The following ASAP1 variants were observed in gnomAD, a reference collection of about 807,000 sequenced individuals.
ASAP1 encodes arf-GAP with SH3 domain, ANK repeat and PH domain-containing protein 1.
A neutral mutation model predicts 145.2 loss-of-function variants in ASAP1; 43 were observed. That is an observed-to-expected ratio of 0.30 (90% CI 0.23 to 0.38). The LOEUF (loss-of-function observed/expected upper bound fraction) is 0.38, where lower values mean the gene tolerates loss of function less well. ASAP1 is among the 10% of genes least tolerant of loss of function. The pLI is 1.00. For synonymous variants in ASAP1, 546 were observed against 515.5 expected (o/e 1.06, Z -0.80); for missense variants, 1,018 against 1,355.3 (o/e 0.75, Z 3.91).
intron 3 of ASAP1, among the ~76,000 whole-genome samples, chr8:130,288,367 T>C (rs1250459141): frequency 6.6e-6 from 1 of 151,862 alleles, no homozygotes; most frequent in East Asian, 1.9e-4. Flanking sequence ...AAAAAAAAAA[T>C]TCCTTGTTGA....
At chr8:130,399,814 C>CT (rs66587581) in intron 2 of ASAP1, among the ~76,000 whole-genome samples, 6,962 of 124,524 alleles carry the variant, frequency 0.056, 256 homozygotes, top group Middle Eastern at 0.12. Context: ...AAGTCAGTGT[C>CT]TTTTTTTTTT....
At position 130,079,957 on chromosome 8, in the gene ASAP1, G is replaced by T. The variant is rs760488638; in HGVS notation, c.2587C>A (p.Pro863Thr). 12 of 1,613,942 alleles carry T rather than the reference G, an allele frequency of 7.4e-6. No homozygotes were observed. The Admixed American group carries it at 1.8e-4, about 25-fold the overall frequency. The change falls in exon 26 of 30, where the codon CCA becomes ACA. Residue 863 changes from proline (P) to threonine (T), a missense_variant. By Grantham distance (38) the Pro-to-Thr change is conservative. Coordinates refer to ENST00000518721, the MANE Select transcript of ASAP1 (RefSeq NM_018482.4). ...TTTGTAGTCTTACTTGAAGAGGATG[G>T]ACCCCCATCGTTACCTACAAGGAAA... Reference protein sequence around the residue: ...GAVPWGNDGGPSSSSKTTNKF... With the variant: ...GAVPWGNDGGTSSSSKTTNKF...
intron 3 of ASAP1, among the ~76,000 whole-genome samples, chr8:130,276,959 G>T (rs1371426909): frequency 1.3e-5 from 2 of 152,166 alleles, no homozygotes; most frequent in Non-Finnish European, 2.9e-5. Flanking sequence ...GCCTGCTGCT[G>T]AGGGAGGTCA....
intron 3 of ASAP1, among the ~76,000 whole-genome samples, chr8:130,257,992 T>C (rs561653162): frequency 2.4e-4 from 36 of 152,330 alleles, no homozygotes; most frequent in African/African-American, 8.2e-4. Context: ...TGTGTATTAG[T>C]GTACAAACAT....
chr8:130,072,926 T>C (rs950995826), intron 27 of ASAP1, among the ~76,000 whole-genome samples: 2 of 150,420 alleles, frequency 1.3e-5, no homozygotes, highest in Non-Finnish European at 3.0e-5. Flanking sequence ...GACACCCAAC[T>C]GGTGTCTGCT....
At chr8:130,424,695 C>T (rs915236066) in intron 1 of ASAP1, among the ~76,000 whole-genome samples, 2 of 151,990 alleles carry the variant, frequency 1.3e-5, no homozygotes, top group Middle Eastern at 3.2e-3. Context: ...ACTGCACTTA[C>T]AAGAGTGGAC....
At chr8:130,333,041 A>G (rs1440902342) in intron 3 of ASAP1, among the ~76,000 whole-genome samples, 1 of 152,184 alleles carries the variant, frequency 6.6e-6, no homozygotes, top group Non-Finnish European at 1.5e-5. Flanking sequence ...TCAATCTTTC[A>G]TATGGAAATT....
Position 130,356,646 on chromosome 8 carries a change from C to T in ASAP1, c.186+1371G>A, listed in dbSNP as rs997055062. On this transcript the variant is annotated intron_variant, in intron 3 of 29. Coordinates refer to ENST00000518721, the MANE Select transcript of ASAP1 (RefSeq NM_018482.4). The stretch of plus-strand genomic sequence containing the variant: ...CACAATTCAGTCCCATCACCCAATA[C>T]TGACTCCAGAGAGAACTCTGGAAGT... Among the ~76,000 whole-genome samples the T allele has an allele frequency of 2.0e-5, 3 of 152,312 alleles. No homozygotes were observed. In the East Asian group the frequency reaches 5.8e-4, roughly 29 times the overall value.
intron 24 of ASAP1, among the ~76,000 whole-genome samples, chr8:130,094,037 G>A (rs922169766): frequency 3.9e-5 from 6 of 152,116 alleles, no homozygotes; most frequent in African/African-American, 1.4e-4. Flanking sequence ...GAAGCCTGAT[G>A]CTTACCCCAA....
chr8:130,429,756 C>T (rs528747833), intron 1 of ASAP1, among the ~76,000 whole-genome samples: 3 of 152,306 alleles, frequency 2.0e-5, no homozygotes, highest in African/African-American at 4.8e-5. Flanking sequence ...GGAGAACACC[C>T]CCACTCCCCC....
Position 130,057,967 on chromosome 8 carries a change from T to C in ASAP1, c.3302A>G (p.Asp1101Gly). ...GEVIIVTGEE[D>G]QEWWIGHIEG... ...ATTCGTACGTACCCACCACTCCTGGTCCTCTTCCCCTGTGACGATAATCAC... is the reference window on the plus strand; with the variant it reads ...ATTCGTACGTACCCACCACTCCTGGCCCTCTTCCCCTGTGACGATAATCAC... Residue 1101 changes from aspartate to glycine, a missense_variant, in exon 29 of 30, where the codon GAC becomes GGC. Asp to Gly is a moderately conservative substitution (Grantham distance 94). This residue lies in a region of ASAP1 where 62 missense variants were observed against 97.8 expected (regional missense o/e 0.63). Coordinates refer to ENST00000518721, the MANE Select transcript of ASAP1 (RefSeq NM_018482.4). 1 of 1,614,234 alleles carries C rather than the reference T, an allele frequency of 6.2e-7. No individual in the cohort carries two copies.
chr8:130,168,280 C>T (rs2097684103), intron 10 of ASAP1, among the ~76,000 whole-genome samples: 2 of 152,120 alleles, frequency 1.3e-5, no homozygotes, highest in Admixed American at 6.6e-5. Flanking sequence ...CTAATATATA[C>T]ATTTAGACCT....
chr8:130,151,849 A>G (rs988629452), intron 13 of ASAP1, among the ~76,000 whole-genome samples: 3 of 152,206 alleles, frequency 2.0e-5, no homozygotes, highest in African/African-American at 7.2e-5. Context: ...GAAAGGCCAC[A>G]AGGACTAATG....
At chr8:130,219,138 T>TA (rs1259592576) in intron 4 of ASAP1, among the ~76,000 whole-genome samples, 1 of 151,234 alleles carries the variant, frequency 6.6e-6, no homozygotes, top group African/African-American at 2.4e-5. Flanking sequence ...CATGACTACT[T>TA]ACAATACAGA....
chr8:130,218,894 C>G (rs745871999), intron 4 of ASAP1, among the ~76,000 whole-genome samples: 1 of 151,622 alleles, frequency 6.6e-6, no homozygotes, highest in Non-Finnish European at 1.5e-5. Flanking sequence ...TGTGTATATA[C>G]TGGCATATAT....
intron 29 of ASAP1, among the ~76,000 whole-genome samples, chr8:130,056,946 G>A (rs896991411): frequency 1.3e-5 from 2 of 152,216 alleles, no homozygotes; most frequent in African/African-American, 2.4e-5. Context: ...TAGATGTGTG[G>A]ACTGCCCTCG....
chr8:130,320,715 T>C (rs1212231420), intron 3 of ASAP1, among the ~76,000 whole-genome samples: 1 of 151,896 alleles, frequency 6.6e-6, no homozygotes, highest in Non-Finnish European at 1.5e-5. Flanking sequence ...TCCTCTCTAG[T>C]ATCACATTAA....
At chr8:130,124,335 G>T (rs1592855779) in intron 17 of ASAP1, among the ~76,000 whole-genome samples, 1 of 152,176 alleles carries the variant, frequency 6.6e-6, no homozygotes, top group East Asian at 1.9e-4. Flanking sequence ...CCTTTCCATA[G>T]ATGCTCATAG....
chr8:130,309,232 A>G (rs1249861389), intron 3 of ASAP1, among the ~76,000 whole-genome samples: 1 of 152,172 alleles, frequency 6.6e-6, no homozygotes, highest in African/African-American at 2.4e-5. Flanking sequence ...CAGTCTTGGG[A>G]GTCAAATGGT....
Sources: gnomAD v4.1 joint callset for allele counts (sites outside exome capture counted in the v4.1 genomes callset) on GRCh38, gnomAD v4.1.1 for gene constraint, gnomAD v4.1.1 regional missense constraint, MANE v1.5 for transcripts, NCBI Gene and HGNC (gene_info 2026-07-23, HGNC 2026-07-21) for gene names.